Variants in DRC3 observed in about 807,000 individuals in gnomAD.
DRC3 encodes the protein dynein regulatory complex subunit 3.
In DRC3, 45 loss-of-function variants were observed where a neutral mutation model predicts 57.6. That is an observed-to-expected ratio of 0.78 (90% confidence interval 0.62 to 1.00). The LOEUF (loss-of-function observed/expected upper bound fraction) is 1.00. Ranked by LOEUF, DRC3 falls within the 50% of genes least tolerant of loss-of-function variation. DRC3 has a pLI of 0.00. For missense variants in DRC3, 655 were observed against 675.2 expected (o/e 0.97, Z 0.33); for synonymous variants, 257 against 272.3 (o/e 0.94, Z 0.55).
rs112889055 is a variant in DRC3, at chr17:18,015,768, C to T, written c.1327-296C>T. The T allele has an allele frequency of 5.7e-3, 1,757 of 306,932 alleles. 29 individuals carry two copies. The highest frequency in any genetic ancestry group is 0.035 in the African/African-American group (1,659 of 47,712). 19.0% of individuals were successfully genotyped at this position (306,932 alleles called of 1,614,324 possible). ...GAGAACAGATGTCCTGGGTGAGGTG[C>T]CCCCTGGGCAGCCATCTGCCTTCAC... On this transcript the variant is annotated intron_variant, in intron 12 of 13. Coordinates refer to ENST00000399187, the MANE Select transcript of DRC3 (RefSeq NM_031294.4).
At chr17:17,989,056 G>T (rs1454049406) in intron 5 of DRC3, among the ~76,000 whole-genome samples, 4 of 152,194 alleles carry the variant, frequency 2.6e-5, no homozygotes, top group Non-Finnish European at 5.9e-5. Flanking sequence ...GCTGGGGTGT[G>T]TTCCTAACAA....
At chr17:17,983,216 C>T (rs1036876940) in intron 3 of DRC3, among the ~76,000 whole-genome samples, 4 of 152,146 alleles carry the variant, frequency 2.6e-5, no homozygotes, top group African/African-American at 9.7e-5. Flanking sequence ...TTATCTCATC[C>T]CCTACGTATG....
chr17:17,990,402 A>G (rs2043172769), intron 5 of DRC3, among the ~76,000 whole-genome samples: 1 of 152,128 alleles, frequency 6.6e-6, no homozygotes, highest in African/African-American at 2.4e-5. Flanking sequence ...TCCCATCTCA[A>G]CTTCTTCCCA....
At chr17:18,002,479 T>C (rs2145398444) in intron 9 of DRC3, among the ~76,000 whole-genome samples, 1 of 152,314 alleles carries the variant, frequency 6.6e-6, no homozygotes, top group East Asian at 1.9e-4. Context: ...GGTTGCCATA[T>C]ACCCTCTGAG....
chr17:18,003,285 C>T (rs1486828352), intron 9 of DRC3, among the ~76,000 whole-genome samples: 1 of 151,672 alleles, frequency 6.6e-6, no homozygotes, highest in Admixed American at 6.6e-5. Context: ...GAGTTCAAGA[C>T]CAGCCTGGCC....
chr17:17,985,601 C>G (rs1026580437), intron 4 of DRC3, among the ~76,000 whole-genome samples: 1 of 152,204 alleles, frequency 6.6e-6, no homozygotes, highest in Non-Finnish European at 1.5e-5. Context: ...AGCCCTGGCT[C>G]TCAACAGCTG....
intron 5 of DRC3, among the ~76,000 whole-genome samples, chr17:17,990,847 C>T (rs967685323): frequency 7.2e-5 from 11 of 152,144 alleles, no homozygotes; most frequent in Non-Finnish European, 1.2e-4. Flanking sequence ...AAAAATGAGC[C>T]GGGTGTGGTG....
intron 12 of DRC3, among the ~76,000 whole-genome samples, chr17:18,012,288 G>A (rs779314640): frequency 8.6e-4 from 131 of 152,110 alleles, no homozygotes; most frequent in Non-Finnish European, 1.8e-3. Context: ...AGATTTTGCT[G>A]GGAAAACTGG....
chr17:18,016,683 C>T lies in DRC3; in HGVS notation c.*12C>T. 6.4e-7 allele frequency: 1 copy of T among 1,560,754 alleles called. No individual in the cohort carries two copies. The highest frequency in any genetic ancestry group is 8.8e-7 in the Non-Finnish European group (1 of 1,132,256). ...ACATCCTAGACTAGATGAATGTCAG[C>T]CACAGGAGCTTCTTCAAAACATAGC... On this transcript the variant is annotated 3_prime_UTR_variant, in exon 14 of 14. Coordinates refer to ENST00000399187, the MANE Select transcript of DRC3 (RefSeq NM_031294.4).
In DRC3 at chr17:18,016,671, G is replaced by A; in HGVS notation, c.1572G>A (p.Ter524=). 6.3e-7 allele frequency: 1 copy of A among 1,599,380 alleles called. No individual in the cohort carries two copies. Among genetic ancestry groups the A allele is most frequent in the Non-Finnish European group, 8.6e-7 (1 of 1,166,970 alleles). The change falls in exon 14 of 14, where the codon TAG becomes TAA. Residue 524 remains the stop codon, a stop_retained_variant. Transcript: ENST00000399187. ...DNLECGDILD[*] Reference sequence around the variant, plus strand: ...TGGAATGTGGCGACATCCTAGACTAGATGAATGTCAGCCACAGGAGCTTCT... The same window carrying A: ...TGGAATGTGGCGACATCCTAGACTAAATGAATGTCAGCCACAGGAGCTTCT...
intron 11 of DRC3, 128 bp downstream of exon 11, chr17:18,006,381 C>G (rs1707145040): frequency 2.9e-6 from 2 of 697,750 alleles, no homozygotes; most frequent in Non-Finnish European, 5.1e-6. Context: ...ACAATGATGG[C>G]CTGGTTAGAG....
At chr17:17,982,891 ATT>A (rs2042775490) in intron 3 of DRC3, among the ~76,000 whole-genome samples, 2 of 152,186 alleles carry the variant, frequency 1.3e-5, no homozygotes, top group South Asian at 4.1e-4. Flanking sequence ...GCATATTCTA[ATT>A]TTATAAATTT....
At chr17:17,978,375 G>A (rs959680546) in intron 3 of DRC3, among the ~76,000 whole-genome samples, 1 of 152,176 alleles carries the variant, frequency 6.6e-6, no homozygotes, top group Non-Finnish European at 1.5e-5. Flanking sequence ...GAGACAGCAC[G>A]TGCACAGTGC....
In DRC3 at chr17:17,977,574, T is replaced by G; in HGVS notation, c.-17-8T>G. On this transcript the variant is annotated splice_region_variant and splice_polypyrimidine_tract_variant and intron_variant, in intron 2 of 13. Coordinates refer to ENST00000399187, the MANE Select transcript of DRC3 (RefSeq NM_031294.4). The stretch of plus-strand genomic sequence containing the variant: ...CAGGCCGTGAAGGAAGAATGCGGTG[T>G]TTTTTAGGGAAAACGTGGGGGAAGA... The G allele has an allele frequency of 6.2e-7, 1 of 1,613,572 alleles. No homozygotes were observed. Among genetic ancestry groups the G allele is most frequent in the Non-Finnish European group, 8.5e-7 (1 of 1,179,694 alleles).
At chr17:18,004,699 G>A (rs1258162656) in intron 10 of DRC3, 3 of 578,482 alleles carry the variant, frequency 5.2e-6, no homozygotes, top group Non-Finnish European at 9.0e-6. Context: ...TGTGGAAAAT[G>A]AGAGGTGAGC....
intron 12 of DRC3, chr17:18,007,639 G>A: frequency 1.4e-6 from 2 of 1,398,094 alleles, no homozygotes; most frequent in Non-Finnish European, 1.9e-6. Flanking sequence ...GAGGAACCTG[G>A]CTCCATCCCT....
intron 12 of DRC3, chr17:18,007,948 C>A: frequency 1.3e-6 from 1 of 746,736 alleles, no homozygotes; most frequent in Non-Finnish European, 1.6e-6. Flanking sequence ...CATGTGGCAG[C>A]CAGAGGGACC....
At chr17:17,980,918 T>G (rs1371883790) in intron 3 of DRC3, among the ~76,000 whole-genome samples, 4 of 151,892 alleles carry the variant, frequency 2.6e-5, no homozygotes, top group African/African-American at 7.3e-5. Flanking sequence ...TATTTTTTAT[T>G]TTTTTGGCAT....
Position 17,997,611 on chromosome 17 carries a change from A to G in DRC3, c.976A>G (p.Lys326Glu), listed in dbSNP as rs749046089. Residue 326 changes from lysine to glutamate, a missense_variant, in exon 9 of 14, where the codon AAA (lysine) becomes GAA (glutamate). Lys to Glu is a moderately conservative substitution (Grantham distance 56, BLOSUM62 1). Transcript: ENST00000399187. Reference sequence around the variant, plus strand: ...GGAGCAGGGCAAACGCAAGATTGCCAAATTCGAGGAGAAGCACTTGTCGGT... The same window carrying G: ...GGAGCAGGGCAAACGCAAGATTGCCGAATTCGAGGAGAAGCACTTGTCGGT... ...NQEQGKRKIA[K>E]FEEKHLSSLS... is the part of the protein sequence containing the mutation. 4.4e-6 allele frequency: 7 copies of G among 1,608,762 alleles called. No individual in the cohort carries two copies. The highest frequency in any genetic ancestry group is 5.1e-6 in the Non-Finnish European group (6 of 1,177,800).
Sources: gnomAD v4.1 joint callset for allele counts (sites outside exome capture counted in the v4.1 genomes callset) on GRCh38, gnomAD v4.1.1 for gene constraint, MANE v1.5 for transcripts, NCBI Gene and HGNC (gene_info 2026-07-23, HGNC 2026-07-21) for gene names.